TRMT11: variants seen among roughly 807,000 people sequenced by gnomAD.
TRMT11 encodes tRNA methyltransferase 11, also known as tRNA (guanine(10)-N(2))-methyltransferase TRMT11.
In TRMT11, 53 loss-of-function variants were observed where a neutral mutation model predicts 62.8. The observed-to-expected ratio is 0.84, with a 90% CI of 0.68 to 1.06. TRMT11 has a LOEUF of 1.06. Among genes scored for constraint, TRMT11 ranks in the 50% least tolerant of loss-of-function variants. TRMT11 has a pLI of 0.00. For missense variants in TRMT11, 556 were observed against 553.4 expected (o/e 1.00, Z -0.05); for synonymous variants, 188 against 190.3 (o/e 0.99, Z 0.10).
At chr6:126,053,650 C>T (rs997653457) in intron 17 of TRMT11, among the ~76,000 whole-genome samples, 5 of 152,192 alleles carry the variant, frequency 3.3e-5, no homozygotes, top group African/African-American at 9.7e-5. Flanking sequence ...TTCCCCTCCC[C>T]TCTGCCTCCT....
upstream of TRMT11, among the ~76,000 whole-genome samples, chr6:126,176,686 C>T (rs1228853801): frequency 6.6e-6 from 1 of 152,108 alleles, no homozygotes; most frequent in Non-Finnish European, 1.5e-5. Context: ...TGATGGATCA[C>T]TTTAAAAAGA....
chr6:126,030,563 A>G (rs896692953), intron 12 of TRMT11, among the ~76,000 whole-genome samples: 1 of 152,234 alleles, frequency 6.6e-6, no homozygotes, highest in African/African-American at 2.4e-5. Context: ...CTATGGTGAC[A>G]GCATCACTGG....
chr6:126,052,414 A>C (rs1301737548), intron 16 of TRMT11, among the ~76,000 whole-genome samples: 1 of 152,214 alleles, frequency 6.6e-6, no homozygotes, highest in African/African-American at 2.4e-5. Context: ...AAGTAACTAC[A>C]TAATACCTTT....
Position 126,030,310 on chromosome 6 carries a change from G to A in TRMT11, c.1261-8395G>A, listed in dbSNP as rs569279554. Among the ~76,000 whole-genome samples, 6 of 152,258 alleles carry A rather than the reference G, an allele frequency of 3.9e-5. No individual in the cohort carries two copies. The South Asian group carries it at 1.2e-3, about 32-fold the overall frequency. On this transcript the variant is annotated intron_variant, in intron 12 of 12. Transcript: ENST00000334379. ...GAGCAGGATTTTTAAACAAAAGCTG[G>A]ACATGGGTAATTACCCTGAAGCTGA...
the TRMT11 span, among the ~76,000 whole-genome samples, chr6:126,258,708 G>A: frequency 2.0e-5 from 3 of 152,182 alleles, no homozygotes; most frequent in Non-Finnish European, 4.4e-5. Context: ...TATTTCTGTG[G>A]TATCAATTGT....
At chr6:126,115,809 TC>T (rs1447896230) in exon 21 of TRMT11, among the ~76,000 whole-genome samples, 4 of 151,990 alleles carry the variant, frequency 2.6e-5, no homozygotes, top group Non-Finnish European at 4.4e-5. Context: ...TTCTTCCTGT[TC>T]CCATTAGTGT....
chr6:126,034,441 T>C (rs1029094466), intron 12 of TRMT11, among the ~76,000 whole-genome samples: 4 of 152,168 alleles, frequency 2.6e-5, no homozygotes, highest in African/African-American at 9.7e-5. Context: ...CTGAATGCTG[T>C]ATGTCTTCCT....
intron 11 of TRMT11, among the ~76,000 whole-genome samples, chr6:126,017,540 CTG>C (rs1795164351): frequency 6.6e-6 from 1 of 152,202 alleles, no homozygotes; most frequent in Admixed American, 6.5e-5. Flanking sequence ...TCAAGATACT[CTG>C]TGCATTTTAT....
chr6:126,179,470 C>T (rs1778430599), intron 1 of TRMT11, among the ~76,000 whole-genome samples: 1 of 152,138 alleles, frequency 6.6e-6, no homozygotes, highest in African/African-American at 2.4e-5. Context: ...CAGTGTTGAT[C>T]CTGTCCTCTT....
intron 17 of TRMT11, among the ~76,000 whole-genome samples, chr6:126,054,012 A>G (rs1583846995): frequency 2.0e-5 from 3 of 152,326 alleles, no homozygotes; most frequent in Admixed American, 2.0e-4. Context: ...TTAGCCAAAG[A>G]GGAGAAATGA....
chr6:126,088,640 A>G (rs1415102665), intron 17 of TRMT11, among the ~76,000 whole-genome samples: 1 of 152,168 alleles, frequency 6.6e-6, no homozygotes, highest in Non-Finnish European at 1.5e-5. Flanking sequence ...CTATATATGA[A>G]CTTTTAGGCT....
At chr6:126,165,413 T>G (rs545523009) in intron 21 of TRMT11, among the ~76,000 whole-genome samples, 1 of 152,244 alleles carries the variant, frequency 6.6e-6, no homozygotes, top group East Asian at 1.9e-4. Flanking sequence ...TTGCAGTGGC[T>G]GATAATGGTT....
chr6:126,104,988 A>C (rs1777448313), intron 17 of TRMT11, among the ~76,000 whole-genome samples: 3 of 152,272 alleles, frequency 2.0e-5, no homozygotes, highest in African/African-American at 7.2e-5. Flanking sequence ...CCTGTGACTC[A>C]TTTTTGGAGC....
the TRMT11 span, among the ~76,000 whole-genome samples, chr6:126,266,938 AAAAG>A: frequency 6.6e-6 from 1 of 152,228 alleles, no homozygotes; most frequent in Admixed American, 6.5e-5. Context: ...CTGTAAAGAT[AAAAG>A]AAAATCATGA....
chr6:126,018,250 T>G (rs1414832281), intron 11 of TRMT11, among the ~76,000 whole-genome samples: 4 of 152,116 alleles, frequency 2.6e-5, no homozygotes, highest in African/African-American at 9.7e-5. Context: ...CTATAATGAG[T>G]GAAGAGAACA....
chr6:126,114,655 T>C (rs1157598832), intron 18 of TRMT11, among the ~76,000 whole-genome samples: 2 of 152,148 alleles, frequency 1.3e-5, no homozygotes, highest in African/African-American at 4.8e-5. Flanking sequence ...TGAGGTCTTT[T>C]CTGTCTTTCC....
intron 16 of TRMT11, among the ~76,000 whole-genome samples, chr6:126,046,815 C>T (rs544284709): frequency 4.6e-5 from 7 of 152,276 alleles, no homozygotes; most frequent in Non-Finnish European, 1.0e-4. Context: ...CACCGTTGTT[C>T]TTTTTGCATC....
intron 7 of TRMT11, among the ~76,000 whole-genome samples, chr6:126,001,962 C>T (rs1306629323): frequency 6.6e-6 from 1 of 152,068 alleles, no homozygotes; most frequent in Admixed American, 6.6e-5. Flanking sequence ...TTCTTAATTA[C>T]TTTTGTTCCT....
chr6:126,268,399 T>G, the TRMT11 span, among the ~76,000 whole-genome samples: 9 of 152,276 alleles, frequency 5.9e-5, no homozygotes, highest in South Asian at 1.4e-3. Flanking sequence ...GGAGGTGAAC[T>G]TTTAGCTGTA....
Sources: gnomAD v4.1 joint callset for allele counts (sites outside exome capture counted in the v4.1 genomes callset) on GRCh38, gnomAD v4.1.1 for gene constraint, MANE v1.5 for transcripts, NCBI Gene and HGNC (gene_info 2026-07-23, HGNC 2026-07-21) for gene names.